ALG5: variants seen among roughly 807,000 people sequenced by gnomAD.
The protein encoded by ALG5 is ALG5 dolichyl-phosphate beta-glucosyltransferase.
In ALG5, 26 loss-of-function variants were observed where a neutral mutation model predicts 51.8. The ratio of observed to expected loss-of-function variants is 0.50; its 90% CI spans 0.37 to 0.70. ALG5 has a LOEUF of 0.70. ALG5 is among the 30% of genes least tolerant of loss of function. ALG5 has a pLI of 0.00. For missense variants in ALG5, 311 were observed against 399.3 expected, an observed-to-expected ratio of 0.78 and a Z score of 1.88; for synonymous variants, 141 against 136.1, an observed-to-expected ratio of 1.04 and a Z score of -0.25.
intron 8 of ALG5, chr13:36,952,810 T>C (rs2058824248): frequency 5.5e-6 from 2 of 365,554 alleles, no homozygotes; most frequent in Non-Finnish European, 9.7e-6. Context: ...TTGCATAATA[T>C]TGTATCTCTA....
intron 1 of ALG5, 139 bp downstream of exon 1, chr13:36,999,096 G>A: frequency 1.5e-6 from 1 of 649,496 alleles, no homozygotes; most frequent in Non-Finnish European, 2.3e-6. Context: ...GAAACTCCGA[G>A]GTCAGGAATT....
At chr13:36,993,694 T>G in intron 3 of ALG5, 22 bp from the exon 4 acceptor site, 1 of 1,603,668 alleles carries the variant, frequency 6.2e-7, no homozygotes, top group Non-Finnish European at 8.5e-7. Context: ...AAAAATAAAG[T>G]AATACAATTT....
intron 6 of ALG5, among the ~76,000 whole-genome samples, chr13:36,973,072 G>A (rs1479824215): frequency 6.9e-6 from 1 of 144,160 alleles, no homozygotes; most frequent in African/African-American, 2.6e-5. Context: ...AACTGGACAA[G>A]CTGATTTTAG....
rs1233617982 is a variant in ALG5 at position 36,964,849 on chromosome 13, CG to C, written c.773+725del. Among the ~76,000 whole-genome samples the C allele has an allele frequency of 8.0e-5, 12 of 149,246 alleles. No homozygotes were observed. In the East Asian group the frequency reaches 2.2e-3, roughly 27 times the overall value. ...CTGAGGCAGGAGAATCACTTGAACG[CG>C]GGAGGCGGAGGTTGCAGTGAGCTGA... On this transcript the variant is annotated intron_variant, in intron 8 of 9. Coordinates refer to ENST00000239891, the MANE Select transcript of ALG5 (RefSeq NM_013338.5).
At chr13:36,995,393 C>T (rs1459021113) in intron 2 of ALG5, 32 bp downstream of exon 2, 1 of 1,581,584 alleles carries the variant, frequency 6.3e-7, no homozygotes, top group Non-Finnish European at 8.5e-7. Flanking sequence ...TTCCAAACTA[C>T]CCTTTACCAA....
chr13:36,975,933 C>CA (rs1193664923), intron 6 of ALG5, among the ~76,000 whole-genome samples: 1 of 150,748 alleles, frequency 6.6e-6, no homozygotes, highest in Non-Finnish European at 1.5e-5. Context: ...AGGCAGGAAC[C>CA]ACTGCACTCC....
intron 6 of ALG5, among the ~76,000 whole-genome samples, chr13:36,984,491 C>T (rs1426764882): frequency 1.3e-5 from 2 of 151,868 alleles, no homozygotes; most frequent in African/African-American, 4.8e-5. Flanking sequence ...ATTTCTTTAG[C>T]CAGAATACTT....
chr13:36,976,425 CAAAAAAAAA>C (rs57192095), intron 6 of ALG5, among the ~76,000 whole-genome samples: 5 of 36,614 alleles, frequency 1.4e-4, no homozygotes, highest in Admixed American at 3.3e-4. Flanking sequence ...GACTCTGTCT[CAAAAAAAAA>C]AAAAAAAAAA....
intron 5 of ALG5, among the ~76,000 whole-genome samples, chr13:36,988,111 C>T (rs967989887): frequency 2.1e-4 from 32 of 152,142 alleles, no homozygotes; most frequent in Admixed American, 1.3e-4. Flanking sequence ...TTAAAGACCC[C>T]GCCGAGAATT....
intron 7 of ALG5, chr13:36,968,094 T>C (rs1375727901): frequency 1.1e-5 from 2 of 175,124 alleles, no homozygotes; most frequent in Admixed American, 5.7e-5. Context: ...ACAAGGTTAG[T>C]CACAAACAAG....
intron 8 of ALG5, among the ~76,000 whole-genome samples, chr13:36,959,888 T>C (rs1054389183): frequency 6.6e-6 from 1 of 151,836 alleles, no homozygotes. Context: ...TGGAGCAAGC[T>C]GTATCACAGG....
intron 6 of ALG5, among the ~76,000 whole-genome samples, chr13:36,978,432 A>G (rs571076399): frequency 2.5e-4 from 38 of 151,908 alleles, no homozygotes; most frequent in African/African-American, 8.9e-4. Flanking sequence ...GGTGATCCGC[A>G]TGCCTCAGTC....
chr13:36,982,520 T>C (rs1396784823), intron 6 of ALG5, among the ~76,000 whole-genome samples: 1 of 152,238 alleles, frequency 6.6e-6, no homozygotes, highest in Non-Finnish European at 1.5e-5. Flanking sequence ...CATGCTACAA[T>C]AGAGCGTTGA....
Position 36,965,670 on chromosome 13 carries a change from A to G in ALG5, c.678T>C (p.Leu226=). The change falls in exon 8 of 10, where the codon CTT becomes CTC. Residue 226 remains leucine (L), a synonymous_variant. Coordinates refer to ENST00000239891, the MANE Select transcript of ALG5 (RefSeq NM_013338.5). ...GTGTGTCCCTGATTCCTTTGACACA[A>G]AGGAACCACACCAGAAAGTGGAACC... is the stretch of plus-strand genomic sequence containing the variant. The part of the protein sequence containing the change: ...MYGFHFLVWF[L]CVKGIRDTQC... The G allele has an allele frequency of 6.2e-7, 1 of 1,614,110 alleles. No individual in the cohort carries two copies. The highest frequency in any genetic ancestry group is 8.5e-7 in the Non-Finnish European group (1 of 1,179,978).
chr13:36,993,613 C>A lies in ALG5; in HGVS notation c.345G>T (p.Gln115His). 2 of 1,613,236 alleles carry A rather than the reference C, an allele frequency of 1.2e-6. No individual in the cohort carries two copies. The highest frequency in any genetic ancestry group is 3.3e-5 in the Admixed American group (2 of 60,022). Reference sequence around the variant, plus strand: ...AAGCAAGTGTATTTACCTTTGAGGTCTGATCTTTACTGCCATCATCAACTA... The same window carrying A: ...AAGCAAGTGTATTTACCTTTGAGGTATGATCTTTACTGCCATCATCAACTA... ...VIVVDDGSKD[Q>H]TSKVAFKYCQ... Residue 115 changes from glutamine (Q) to histidine (H), a missense_variant, in exon 4 of 10, where the codon CAG (glutamine) becomes CAT (histidine). Coordinates refer to ENST00000239891, the MANE Select transcript of ALG5 (RefSeq NM_013338.5).
chr13:36,977,786 T>C (rs1403500679), intron 6 of ALG5, among the ~76,000 whole-genome samples: 2 of 60,008 alleles, frequency 3.3e-5, no homozygotes, highest in African/African-American at 9.2e-5. Context: ...AGTGAGACTG[T>C]CTCCAAAAAA....
At chr13:36,988,130 C>T (rs2059010165) in intron 5 of ALG5, among the ~76,000 whole-genome samples, 1 of 152,208 alleles carries the variant, frequency 6.6e-6, no homozygotes, top group Admixed American at 6.5e-5. Context: ...TTTGCCTCCT[C>T]TGGGACATCT....
At chr13:36,985,204 G>T (rs934961153) in intron 6 of ALG5, among the ~76,000 whole-genome samples, 2 of 151,992 alleles carry the variant, frequency 1.3e-5, no homozygotes, top group Admixed American at 6.6e-5. Context: ...TGAAGTTATG[G>T]TGTGAAGTTT....
At position 36,952,553 on chromosome 13, in the gene ALG5, G is replaced by A; in HGVS notation, c.820C>T (p.Pro274Ser). The change falls in exon 9 of 10, where the codon CCA (proline) becomes TCA (serine). Residue 274 changes from proline (P) to serine (S), a missense_variant. Physicochemically the swap from Pro to Ser is moderately conservative, Grantham distance 74. Transcript: ENST00000239891. ...CAGTTGACAGCAATTTCTGCTATTG[G>A]AATTTTAAAGAACTGTGCTATGTAC... ...LLYIAQFFKI[P>S]IAEIAVNWTE... 1 of 1,599,638 alleles carries A rather than the reference G, an allele frequency of 6.3e-7. No homozygotes were observed. The highest frequency in any genetic ancestry group is 1.1e-5 in the South Asian group (1 of 88,356).
Sources: gnomAD v4.1 joint callset for allele counts (sites outside exome capture counted in the v4.1 genomes callset) on GRCh38, gnomAD v4.1.1 for gene constraint, MANE v1.5 for transcripts, NCBI Gene and HGNC (gene_info 2026-07-23, HGNC 2026-07-21) for gene names.